The following PCMTD1 variants were observed in gnomAD, a reference collection of about 807,000 sequenced individuals.
PCMTD1 encodes the protein protein-L-isoaspartate (D-aspartate) O-methyltransferase domain containing 1, also known as protein-L-isoaspartate O-methyltransferase domain-containing protein 1.
In PCMTD1, 12 loss-of-function variants were observed where a neutral mutation model predicts 37.6. The ratio of observed to expected loss-of-function variants is 0.32; its 90% CI spans 0.20 to 0.52. PCMTD1 has a LOEUF of 0.52. Among genes scored for constraint, PCMTD1 ranks in the 20% least tolerant of loss-of-function variants. The probability of loss-of-function intolerance (pLI) is 0.97; values close to 1 mark genes in which losing one functional copy is unlikely to be tolerated. For synonymous variants in PCMTD1, 117 were observed against 135.8 expected, an observed-to-expected ratio of 0.86 and a Z score of 0.96; for missense variants, 235 against 421.3, an observed-to-expected ratio of 0.56 and a Z score of 3.87.
At chr8:51,886,971 T>TC (rs964131624) in intron 1 of PCMTD1, among the ~76,000 whole-genome samples, 9 of 151,584 alleles carry the variant, frequency 5.9e-5, no homozygotes, top group East Asian at 3.9e-4. Flanking sequence ...CTTTTTTTTT[T>TC]TCTCTCTTGC....
intron 1 of PCMTD1, among the ~76,000 whole-genome samples, chr8:51,890,791 AC>A (rs1223427627): frequency 1.3e-5 from 2 of 152,198 alleles, no homozygotes; most frequent in Non-Finnish European, 2.9e-5. Context: ...CCTTAACACA[AC>A]CTTGGTTACT....
At chr8:51,851,755 A>G (rs1050367542) in intron 2 of PCMTD1, among the ~76,000 whole-genome samples, 83 of 151,900 alleles carry the variant, frequency 5.5e-4, no homozygotes, top group Non-Finnish European at 1.3e-4. Context: ...TCCCGGGTTC[A>G]AGTGATTCTC....
rs781711281 is a variant in PCMTD1, at chr8:51,861,197, A to C, written c.-46T>G. Reference sequence around the variant, plus strand: ...ATAAATTTAAAAGTGAAATAAAATTAGTAGAAATGGCTTCCAATATTGCAC... The same window carrying C: ...ATAAATTTAAAAGTGAAATAAAATTCGTAGAAATGGCTTCCAATATTGCAC... On this transcript the variant is annotated 5_prime_UTR_variant, in exon 2 of 6. Coordinates refer to ENST00000522514, the MANE Select transcript of PCMTD1 (RefSeq NM_052937.4). 6.5e-7 allele frequency: 1 copy of C among 1,529,852 alleles called. No homozygotes were observed. The highest frequency in any genetic ancestry group is 8.8e-7 in the Non-Finnish European group (1 of 1,137,470). The allele number at this position is 1,529,852 out of a possible 1,614,324, so 94.8% of individuals were successfully genotyped here. A position where few individuals can be genotyped will look rare whatever the true frequency, so the allele number is the denominator to read the frequency against.
At chr8:51,861,271 C>T (rs767285324) in intron 1 of PCMTD1, 25 bp from the exon 2 acceptor site, 29 of 1,414,006 alleles carry the variant, frequency 2.1e-5, no homozygotes, top group African/African-American at 5.8e-5. Flanking sequence ...CAAAAATAAA[C>T]AGGTTTAAAT....
At chr8:51,886,516 TA>T (rs1162688955) in intron 1 of PCMTD1, among the ~76,000 whole-genome samples, 7 of 152,254 alleles carry the variant, frequency 4.6e-5, no homozygotes, top group South Asian at 2.1e-4. Flanking sequence ...CTGCCCAGTA[TA>T]CAACTTTTAT....
chr8:51,863,665 T>C (rs1335075993), intron 1 of PCMTD1, among the ~76,000 whole-genome samples: 2 of 152,166 alleles, frequency 1.3e-5, no homozygotes, highest in African/African-American at 4.8e-5. Context: ...CTCACGCCTG[T>C]AATCCCAACA....
intron 2 of PCMTD1, among the ~76,000 whole-genome samples, chr8:51,847,067 T>C (rs2129281548): frequency 6.6e-6 from 1 of 152,374 alleles, no homozygotes; most frequent in Non-Finnish European, 1.5e-5. Context: ...GCTTGTTTCC[T>C]TCCTTATGAA....
At chr8:51,826,772 C>T (rs948716835) in intron 5 of PCMTD1, among the ~76,000 whole-genome samples, 3 of 152,042 alleles carry the variant, frequency 2.0e-5, no homozygotes, top group Admixed American at 2.0e-4. Context: ...TGATATAGTC[C>T]CAAAATTTAT....
Position 51,864,292 on chromosome 8 carries a change from G to A in PCMTD1, c.-95-3046C>T, listed in dbSNP as rs547444339. Among the ~76,000 whole-genome samples the A allele has an allele frequency of 7.9e-5, 12 of 152,236 alleles. No individual in the cohort carries two copies. The South Asian group carries it at 1.4e-3, about 18-fold the overall frequency. On this transcript the variant is annotated intron_variant, in intron 1 of 5. Transcript: ENST00000522514. ...ACTAATAGATCTGAAGGATGAGATC[G>A]ACTGAAATACAATAATGGCAGAGGA...
intron 1 of PCMTD1, among the ~76,000 whole-genome samples, chr8:51,867,338 G>A (rs1035722290): frequency 6.6e-6 from 1 of 151,908 alleles, no homozygotes; most frequent in Non-Finnish European, 1.5e-5. Context: ...TCCCACTTCT[G>A]AGTCTATATC....
At chr8:51,842,802 G>A (rs1350109706) in intron 3 of PCMTD1, among the ~76,000 whole-genome samples, 1 of 151,936 alleles carries the variant, frequency 6.6e-6, no homozygotes, top group Non-Finnish European at 1.5e-5. Flanking sequence ...AAAGGGGACT[G>A]ATTAAAAAAG....
At chr8:51,883,949 T>C (rs1460037522) in intron 1 of PCMTD1, among the ~76,000 whole-genome samples, 2 of 152,158 alleles carry the variant, frequency 1.3e-5, no homozygotes, top group Admixed American at 6.5e-5. Context: ...CAGAAATAAT[T>C]ATAAAGAAAA....
At chr8:51,866,669 GTAAC>G (rs1486321322) in intron 1 of PCMTD1, among the ~76,000 whole-genome samples, 1 of 151,890 alleles carries the variant, frequency 6.6e-6, no homozygotes, top group Non-Finnish European at 1.5e-5. Flanking sequence ...CTGAAACTGT[GTAAC>G]TATTAGAAGA....
chr8:51,853,274 C>CGA (rs1326181586), intron 2 of PCMTD1, among the ~76,000 whole-genome samples: 3 of 152,140 alleles, frequency 2.0e-5, no homozygotes, highest in African/African-American at 7.2e-5. Flanking sequence ...AGGTTCCAGA[C>CGA]GAGACCAAGA....
Position 51,883,867 on chromosome 8 carries a change from T to C in PCMTD1, c.-96+15063A>G, listed in dbSNP as rs149577013. Among the ~76,000 whole-genome samples the C allele has an allele frequency of 5.8e-4, 88 of 152,270 alleles. No homozygotes were observed. In the East Asian group the frequency reaches 0.016, roughly 27 times the overall value. On this transcript the variant is annotated intron_variant, in intron 1 of 5. Coordinates refer to ENST00000522514, the MANE Select transcript of PCMTD1 (RefSeq NM_052937.4). ...ATTTGCATTTACAAAAACAAAGACA[T>C]AGTTCATAAATATTCCCGTGCAAAT...
At chr8:51,827,202 TTTTA>T (rs917887604) in intron 5 of PCMTD1, 4 of 1,137,494 alleles carry the variant, frequency 3.5e-6, no homozygotes, top group East Asian at 1.3e-4. Context: ...TATATGAAGC[TTTTA>T]TTTTTTAGAA....
Position 51,882,707 on chromosome 8 carries a change from C to T in PCMTD1, c.-96+16223G>A, listed in dbSNP as rs562425507. On this transcript the variant is annotated intron_variant, in intron 1 of 5. Coordinates refer to ENST00000522514, the MANE Select transcript of PCMTD1 (RefSeq NM_052937.4). Reference sequence around the variant, plus strand: ...AGAAGACATATATCTATGTACTTGACAAATTATACACTCCACTGGACATTA... The same window carrying T: ...AGAAGACATATATCTATGTACTTGATAAATTATACACTCCACTGGACATTA... Among the ~76,000 whole-genome samples the T allele has an allele frequency of 5.3e-5, 8 of 150,082 alleles. No individual in the cohort carries two copies. In the East Asian group the frequency reaches 1.6e-3, roughly 30 times the overall value.
rs2037806706 is a variant in PCMTD1, at chr8:51,819,018, A to T, written c.*1333T>A. 6.6e-6 allele frequency: 1 copy of T among 152,218 alleles called. No homozygotes were observed. Among genetic ancestry groups the T allele is most frequent in the African/African-American group, 2.4e-5 (1 of 41,452 alleles). The allele number at this position is 152,218 out of a possible 1,614,324, so 9.4% of individuals were successfully genotyped here. A position where few individuals can be genotyped will look rare whatever the true frequency, so the allele number is the denominator to read the frequency against. ...AATATGTTACATTGTACACTTTCTT[A>T]ACAAGGAATGGCTGTTTTCAGGCCT... On this transcript the variant is annotated 3_prime_UTR_variant, in exon 6 of 6. Transcript: ENST00000522514.
intron 3 of PCMTD1, among the ~76,000 whole-genome samples, chr8:51,837,061 C>T (rs2038078917): frequency 6.6e-6 from 1 of 152,060 alleles, no homozygotes; most frequent in Admixed American, 6.5e-5. Context: ...TTTTCTTGGG[C>T]CAGGGGGGCC....
Sources: allele counts gnomAD v4.1 joint callset (sites outside exome capture counted in the v4.1 genomes callset), GRCh38; gene constraint gnomAD v4.1.1; transcripts MANE v1.5; gene names NCBI Gene and HGNC (gene_info 2026-07-23, HGNC 2026-07-21).